Variants in MYH14 observed in about 807,000 individuals in gnomAD.
The protein encoded by MYH14 is myosin heavy chain 14, also known as myosin-14.
Under a neutral mutation model 255.5 loss-of-function variants are expected in MYH14, and 123 were observed. The ratio of observed to expected loss-of-function variants is 0.48; its 90% CI spans 0.42 to 0.56. MYH14 has a LOEUF of 0.56. MYH14 is among the 20% of genes least tolerant of loss of function. The pLI is 0.00. For missense variants in MYH14, 2,423 were observed against 2,802.3 expected (o/e 0.86, Z 3.06); for synonymous variants, 1,095 against 1,161.2 (o/e 0.94, Z 1.16).
rs534232488 is a variant in MYH14 at position 50,223,340 on chromosome 19, G to C, written c.684G>C (p.Pro228=). 3 of 1,572,064 alleles carry C rather than the reference G, an allele frequency of 1.9e-6. No homozygotes were observed. The highest frequency in any genetic ancestry group is 2.4e-5 in the East Asian group (1 of 42,154). ...VASSPKGRKE[P]GVPASVSTVS... is the part of the protein sequence containing the mutation. ...CGTCTCCAAAGGGCAGGAAGGAGCC[G>C]GGTGTCCCCGTAAGCAACCCCGCCT... Residue 228 remains proline (P), a synonymous_variant, in exon 5 of 43, where the codon CCG becomes CCC. Coordinates refer to ENST00000642316, the MANE Select transcript of MYH14 (RefSeq NM_001145809.2).
In MYH14 at chr19:50,272,418, T is replaced by G. The variant is rs910217112; in HGVS notation, c.3296-142T>G. On this transcript the variant is annotated intron_variant, in intron 26 of 42. Transcript: ENST00000642316. ...TTGTGGGAAGAGTCCCTGAGATAGA[T>G]GGGGAAGGTGGGAGGAGGAGAAGGC... 1.1e-5 allele frequency: 9 copies of G among 849,894 alleles called. 1 individual carries two copies. Among genetic ancestry groups the G allele is most frequent in the South Asian group, 1.5e-5 (1 of 68,824 alleles). The allele number at this position is 849,894 out of a possible 1,614,324, so 52.6% of individuals were successfully genotyped here.
At chr19:50,306,941 G>C in intron 40 of MYH14, 108 bp from the exon 41 acceptor site, 1 of 807,134 alleles carries the variant, frequency 1.2e-6, no homozygotes, top group Non-Finnish European at 2.1e-6. Context: ...TTAGGAAAGA[G>C]GGAAGAAGCC....
chr19:50,295,239 G>A (rs2036226356), intron 39 of MYH14, among the ~76,000 whole-genome samples: 1 of 151,732 alleles, frequency 6.6e-6, no homozygotes, highest in Non-Finnish European at 1.5e-5. Context: ...GCAGGAGAAT[G>A]GCATGAACCC....
chr19:50,224,032 T>TGGCCCCCCCC, intron 5 of MYH14, 122 bp from the exon 6 acceptor site: 2 of 610,326 alleles, frequency 3.3e-6, no homozygotes. Context: ...ATGCCCGGTT[T>TGGCCCCCCCC]CCCCAGTCCC....
chr19:50,304,420 T>A (rs1473905202), intron 40 of MYH14, among the ~76,000 whole-genome samples: 1 of 152,082 alleles, frequency 6.6e-6, no homozygotes, highest in Non-Finnish European at 1.5e-5. Context: ...TGAAACCCCG[T>A]CTCTACCAAA....
At chr19:50,297,639 G>A (rs545855174) in intron 39 of MYH14, among the ~76,000 whole-genome samples, 1 of 150,674 alleles carries the variant, frequency 6.6e-6, no homozygotes, top group Non-Finnish European at 1.5e-5. Flanking sequence ...CTGGATTACA[G>A]GCGCCCACCA....
chr19:50,206,188 GC>G (rs954565342), intron 1 of MYH14, among the ~76,000 whole-genome samples: 1 of 150,948 alleles, frequency 6.6e-6, no homozygotes, highest in Admixed American at 6.6e-5. Context: ...AGGTGAGGGG[GC>G]CTGCACTTCC....
chr19:50,222,856 G>T (rs1309152625), intron 3 of MYH14, among the ~76,000 whole-genome samples: 1 of 152,196 alleles, frequency 6.6e-6, no homozygotes, highest in African/African-American at 2.4e-5. Flanking sequence ...TTTTACGGGT[G>T]AGGAAACCAA....
At chr19:50,302,284 T>TAAAAA (rs57153887) in intron 40 of MYH14, among the ~76,000 whole-genome samples, 1 of 117,384 alleles carries the variant, frequency 8.5e-6, no homozygotes, top group Admixed American at 8.9e-5. Context: ...ACCTTGTCTC[T>TAAAAA]AAAAAAAAAA....
chr19:50,219,704 A>T (rs866491464), intron 3 of MYH14, among the ~76,000 whole-genome samples: 8 of 150,866 alleles, frequency 5.3e-5, no homozygotes, highest in Middle Eastern at 3.2e-3. Context: ...CAGGTTGTAC[A>T]CTGAACAAGG....
At chr19:50,286,421 C>G (rs2035889495) in intron 33 of MYH14, 61 bp from the exon 34 acceptor site, 2 of 1,487,830 alleles carry the variant, frequency 1.3e-6, no homozygotes, top group East Asian at 2.4e-5. Context: ...TCTTCCCGTT[C>G]CCTTGTACAC....
rs59793441 is a variant in MYH14 at position 50,231,721 on chromosome 19, T to TA, written c.974-197dup. Among the ~76,000 whole-genome samples the TA allele has an allele frequency of 0.54, 60,009 of 112,160 alleles. 12,234 individuals are homozygous for TA. The highest frequency in any genetic ancestry group is 0.6 in the Admixed American group (7,033 of 11,680). The allele number at this position is 112,160 out of a possible 152,430, so 73.6% of individuals were successfully genotyped here. On this transcript the variant is annotated intron_variant, in intron 9 of 42. Transcript: ENST00000642316. ...GAGCAAGACCCTGTCTCTAAAAAAT[T>TA]AAAAAAAAAAAATAGAGACAGAGTG...
intron 41 of MYH14, chr19:50,308,725 G>A: frequency 2.5e-6 from 1 of 404,664 alleles, no homozygotes; most frequent in Non-Finnish European, 4.4e-6. Flanking sequence ...GTACTGGGGA[G>A]CCATGAAAGG....
At chr19:50,247,349 CA>C (rs1226499552) in intron 12 of MYH14, among the ~76,000 whole-genome samples, 1 of 151,944 alleles carries the variant, frequency 6.6e-6, no homozygotes, top group Non-Finnish European at 1.5e-5. Context: ...AAAAGTTCAA[CA>C]GGATGTGTCT....
intron 1 of MYH14, among the ~76,000 whole-genome samples, chr19:50,204,972 A>G (rs964308606): frequency 1.3e-5 from 2 of 151,672 alleles, no homozygotes; most frequent in Non-Finnish European, 2.9e-5. Context: ...GACACATAGT[A>G]GGTACTCTTA....
chr19:50,211,807 C>T (rs1248692530), intron 2 of MYH14, among the ~76,000 whole-genome samples: 1 of 149,872 alleles, frequency 6.7e-6, no homozygotes, highest in African/African-American at 2.5e-5. Flanking sequence ...GGCAAAACCC[C>T]ATCCCTGCAA....
intron 20 of MYH14, among the ~76,000 whole-genome samples, chr19:50,261,143 C>G (rs2034843353): frequency 1.6e-5 from 1 of 61,478 alleles, no homozygotes; most frequent in Non-Finnish European, 3.2e-5. Context: ...CACCCCCTCT[C>G]CCCAATCACC....
Position 50,272,638 on chromosome 19 carries a change from T to TGCAGGAGCAGATGGTGGA in MYH14, c.3379_3396dup (p.Glu1127_Gln1132dup), listed in dbSNP as rs1197448518. Reference sequence around the variant, plus strand: ...AGGCTGGATGGGGAGAGCTCAGAGCTGCAGGAGCAGATGGTGGAGCAGCAA... The same window carrying TGCAGGAGCAGATGGTGGA: ...AGGCTGGATGGGGAGAGCTCAGAGCTGCAGGAGCAGATGGTGGAGCAGGAGCAGATGGTGGAGCAGCAA... On this transcript the variant is annotated inframe_insertion, in exon 27 of 43. Transcript: ENST00000642316. 6.4e-7 allele frequency: 1 copy of TGCAGGAGCAGATGGTGGA among 1,570,792 alleles called. No individual in the cohort carries two copies.
intron 24 of MYH14, among the ~76,000 whole-genome samples, chr19:50,269,537 C>G (rs1031290810): frequency 6.6e-6 from 1 of 152,070 alleles, no homozygotes; most frequent in South Asian, 2.1e-4. Context: ...GGACCCTACC[C>G]TAGGTTTATG....
Sources: allele counts gnomAD v4.1 joint callset (sites outside exome capture counted in the v4.1 genomes callset), GRCh38; gene constraint gnomAD v4.1.1; transcripts MANE v1.5; gene names NCBI Gene and HGNC (gene_info 2026-07-23, HGNC 2026-07-21).